BRWD1: variants seen among roughly 807,000 people sequenced by gnomAD.
BRWD1 encodes bromodomain and WD repeat domain containing 1.
In BRWD1, 82 loss-of-function variants were observed where a neutral mutation model predicts 251.2. The ratio of observed to expected loss-of-function variants is 0.33; its 90% CI spans 0.27 to 0.39. BRWD1 has a LOEUF of 0.39. Ranked by LOEUF, BRWD1 falls within the 10% of genes least tolerant of loss-of-function variation. The probability of loss-of-function intolerance (pLI) is 1.00; values close to 1 mark genes in which losing one functional copy is unlikely to be tolerated. For synonymous variants in BRWD1, 918 were observed against 902.8 expected, an observed-to-expected ratio of 1.02 and a Z score of -0.30; for missense variants, 2,233 against 2,711.6, an observed-to-expected ratio of 0.82 and a Z score of 3.92.
intron 36 of BRWD1, among the ~76,000 whole-genome samples, chr21:39,206,772 G>GA (rs2032410620): frequency 6.6e-6 from 1 of 152,200 alleles, no homozygotes; most frequent in African/African-American, 2.4e-5. Flanking sequence ...TCCAGTAGCA[G>GA]AAAGTATAAC....
intron 3 of BRWD1, 84 bp downstream of exon 3, chr21:39,312,988 C>CCGGGGGCGGGGGGCGGGCGGG (rs2036558330): frequency 1.3e-6 from 1 of 783,162 alleles, no homozygotes; most frequent in African/African-American, 2.9e-5. Context: ...CGGCGGGCGG[C>CCGGGGGCGGGGGGCGGGCGGG]GGGCGGGGGG....
At chr21:39,263,155 T>C (rs993412894) in intron 17 of BRWD1, among the ~76,000 whole-genome samples, 2 of 152,154 alleles carry the variant, frequency 1.3e-5, no homozygotes, top group African/African-American at 4.8e-5. Context: ...TTGGTGAATT[T>C]TGTATATAAA....
At chr21:39,306,245 A>AT in intron 4 of BRWD1, among the ~76,000 whole-genome samples, 1 of 151,350 alleles carries the variant, frequency 6.6e-6, no homozygotes. Context: ...AATTTTTTGT[A>AT]TTTTTAGTAG....
intron 13 of BRWD1, among the ~76,000 whole-genome samples, chr21:39,272,521 T>C (rs2035149971): frequency 6.7e-6 from 1 of 150,052 alleles, no homozygotes; most frequent in Non-Finnish European, 1.5e-5. Context: ...AGCAAGACTC[T>C]GTCTCCAAAA....
rs13048178 is a variant in BRWD1, at chr21:39,189,086, G to C, written c.*7173C>G. 1 of 983,220 alleles carries C rather than the reference G, an allele frequency of 1.0e-6. No homozygotes were observed. The highest frequency in any genetic ancestry group is 1.7e-5 in the African/African-American group (1 of 57,212). 60.9% of individuals were successfully genotyped at this position (983,220 alleles called of 1,614,324 possible). The stretch of plus-strand genomic sequence containing the variant: ...AACAAGTCAACCCTATATCCAAAAT[G>C]AATCTTTAACACATTAAATCAATGT... On this transcript the variant is annotated 3_prime_UTR_variant, in exon 41 of 41. Coordinates refer to ENST00000342449, the MANE Select transcript of BRWD1 (RefSeq NM_033656.4).
intron 29 of BRWD1, among the ~76,000 whole-genome samples, chr21:39,221,130 G>C (rs1035147784): frequency 6.8e-6 from 1 of 147,252 alleles, no homozygotes; most frequent in Non-Finnish European, 1.5e-5. Context: ...ACTCCAGCCT[G>C]GGCAACAAAG....
Position 39,264,997 on chromosome 21 carries a change from G to A in BRWD1, c.1553C>T (p.Ala518Val). Reference sequence around the variant, plus strand: ...CTGTGAAAACTTACAGTCAAACACAGCTCCATGTCCTTGTCCTTCAATCTA... The same window carrying A: ...CTGTGAAAACTTACAGTCAAACACAACTCCATGTCCTTGTCCTTCAATCTA... ...FNMIEGQGHG[A>V]VFDCKFSQDG... The change falls in exon 16 of 41, where the codon GCT becomes GTT. Residue 518 changes from alanine (A) to valine (V), a missense_variant. Transcript: ENST00000342449. 1 of 1,613,616 alleles carries A rather than the reference G, an allele frequency of 6.2e-7. No individual in the cohort carries two copies. The highest frequency in any genetic ancestry group is 8.5e-7 in the Non-Finnish European group (1 of 1,179,836).
At chr21:39,314,486 G>A, upstream of BRWD1, 1 of 369,264 alleles carries the variant, frequency 2.7e-6, no homozygotes. Flanking sequence ...AGGAAGAGAA[G>A]CCGGAAACTA....
At chr21:39,312,684 A>C in intron 4 of BRWD1, 157 bp downstream of exon 4, 1 of 456,318 alleles carries the variant, frequency 2.2e-6, no homozygotes, top group Non-Finnish European at 3.9e-6. Context: ...CTCAAAAACA[A>C]AACAAAATCT....
intron 15 of BRWD1, 83 bp from the exon 16 acceptor site, chr21:39,265,102 G>T: frequency 7.4e-7 from 1 of 1,347,648 alleles, no homozygotes; most frequent in Non-Finnish European, 1.0e-6. Flanking sequence ...TGGATAACCT[G>T]TGACAATATA....
Position 39,186,705 on chromosome 21 carries a change from TC to T in BRWD1, c.*9553del, listed in dbSNP as rs2031254554. The T allele has an allele frequency of 5.1e-6, 1 of 197,654 alleles. No individual in the cohort carries two copies. The highest frequency in any genetic ancestry group is 1.0e-5 in the Non-Finnish European group (1 of 99,152). 12.2% of individuals were successfully genotyped at this position (197,654 alleles called of 1,614,324 possible). On this transcript the variant is annotated 3_prime_UTR_variant, in exon 41 of 41. Coordinates refer to ENST00000342449, the MANE Select transcript of BRWD1 (RefSeq NM_033656.4). ...TCAAGTTCTTCCTAGCCTGTACACTTCCCATTATATTCTTCCTCTAAGGAAT... is the reference window on the plus strand; with the variant it reads ...TCAAGTTCTTCCTAGCCTGTACACTTCCATTATATTCTTCCTCTAAGGAAT...
At position 39,270,421 on chromosome 21, in the gene BRWD1, G is replaced by T; in HGVS notation, c.1257C>A (p.Ser419=). Residue 419 remains serine, a synonymous_variant, in exon 14 of 41, where the codon TCC becomes TCA. Coordinates refer to ENST00000342449, the MANE Select transcript of BRWD1 (RefSeq NM_033656.4). ...MATRISGDLS[S]EEERFMKPKV... is the part of the protein sequence containing the mutation. ...TAGGTTTCATAAACCTTTCCTCTTCGGAAGATAAGTCCCTAACAAAAAAAT... is the reference window on the plus strand; with the variant it reads ...TAGGTTTCATAAACCTTTCCTCTTCTGAAGATAAGTCCCTAACAAAAAAAT... 6.2e-7 allele frequency: 1 copy of T among 1,605,294 alleles called. No homozygotes were observed. The highest frequency in any genetic ancestry group is 8.5e-7 in the Non-Finnish European group (1 of 1,176,420).
In BRWD1 at chr21:39,188,836, C is replaced by T. The variant is rs937038752; in HGVS notation, c.*7423G>A. 4.2e-5 allele frequency: 41 copies of T among 985,296 alleles called. No homozygotes were observed. Among genetic ancestry groups the T allele is most frequent in the Non-Finnish European group, 4.8e-5 (40 of 829,928 alleles). The allele number at this position is 985,296 out of a possible 1,614,324, so 61.0% of individuals were successfully genotyped here. On this transcript the variant is annotated 3_prime_UTR_variant, in exon 41 of 41. Transcript: ENST00000342449. ...AACTTATGTGATTCACATGTTTTTC[C>T]AGTGAAATTCTAAGGGCACTATGTT...
intron 34 of BRWD1, among the ~76,000 whole-genome samples, chr21:39,211,352 A>G (rs1489350410): frequency 6.6e-6 from 1 of 152,252 alleles, no homozygotes; most frequent in Non-Finnish European, 1.5e-5. Context: ...GGTATTTTGC[A>G]TTAAGGGTAT....
intron 21 of BRWD1, among the ~76,000 whole-genome samples, chr21:39,247,333 C>T (rs916978841): frequency 5.3e-5 from 8 of 152,144 alleles, no homozygotes; most frequent in African/African-American, 1.9e-4. Flanking sequence ...TTTCAGATTT[C>T]GTATTTTTCC....
At chr21:39,311,686 T>C (rs1160527166) in intron 4 of BRWD1, among the ~76,000 whole-genome samples, 1 of 152,340 alleles carries the variant, frequency 6.6e-6, no homozygotes, top group East Asian at 1.9e-4. Context: ...CACATTGCCA[T>C]CAGAATTTTT....
At chr21:39,308,258 G>A (rs968154114) in intron 4 of BRWD1, among the ~76,000 whole-genome samples, 1 of 152,088 alleles carries the variant, frequency 6.6e-6, no homozygotes, top group Non-Finnish European at 1.5e-5. Flanking sequence ...AATGCAGGTG[G>A]ATCACTGAAG....
At chr21:39,309,710 A>G (rs1337216491) in intron 4 of BRWD1, among the ~76,000 whole-genome samples, 1 of 151,928 alleles carries the variant, frequency 6.6e-6, no homozygotes, top group Non-Finnish European at 1.5e-5. Context: ...CTGTAGTCCC[A>G]GCTACTCGGG....
Position 39,241,473 on chromosome 21 carries a change from TAAAAAAAAAAAAAAAAAAAAAAAAAAA to T in BRWD1, c.2482-2927_2482-2901del, listed in dbSNP as rs61488970. On this transcript the variant is annotated intron_variant, in intron 21 of 40. Coordinates refer to ENST00000342449, the MANE Select transcript of BRWD1 (RefSeq NM_033656.4). The stretch of plus-strand genomic sequence containing the variant: ...ACAGAGCAAGATTCCATCTCCAAAG[TAAAAAAAAAAAAAAAAAAAAAAAAAAA>T]AAAAAAAAAAAAAAAGATTTAAAAA... Among the ~76,000 whole-genome samples the T allele has an allele frequency of 2.3e-3, 104 of 44,922 alleles. 2 individuals carry two copies. The South Asian group carries it at 0.034, about 15-fold the overall frequency. 29.5% of individuals were successfully genotyped at this position (44,922 alleles called of 152,430 possible).
Sources: allele counts gnomAD v4.1 joint callset (sites outside exome capture counted in the v4.1 genomes callset), GRCh38; gene constraint gnomAD v4.1.1; transcripts MANE v1.5; gene names NCBI Gene and HGNC (gene_info 2026-07-23, HGNC 2026-07-21).